TMEM244: variants seen among roughly 807,000 people sequenced by gnomAD.
The protein encoded by TMEM244 is putative transmembrane protein 244.
A neutral mutation model predicts 15.8 loss-of-function variants in TMEM244; 13 were observed. The observed-to-expected ratio is 0.82, with a 90% confidence interval of 0.53 to 1.30. TMEM244 has a LOEUF of 1.30. Ranked by LOEUF, TMEM244 falls within the 50% of genes most tolerant of loss-of-function variation. The probability of loss-of-function intolerance (pLI) is 0.00; values close to 1 mark genes in which losing one functional copy is unlikely to be tolerated. For missense variants in TMEM244, 161 were observed against 144.9 expected (o/e 1.11, Z -0.57); for synonymous variants, 45 against 48.7 (o/e 0.92, Z 0.32).
At chr6:129,843,443 A>C in intron 3 of TMEM244, 87 bp downstream of exon 3, 2 of 854,964 alleles carry the variant, frequency 2.3e-6, no homozygotes, top group Non-Finnish European at 3.7e-6. Context: ...GACAGGCCTG[A>C]TATTTAAAAT....
At chr6:129,861,010 C>T in intron 1 of TMEM244, 146 bp downstream of exon 1, 1 of 769,194 alleles carries the variant, frequency 1.3e-6, no homozygotes, top group Non-Finnish European at 2.1e-6. Context: ...AGATGCAAGC[C>T]GTGCAGCAGA....
At chr6:129,853,406 T>C (rs17058084) in intron 1 of TMEM244, among the ~76,000 whole-genome samples, 2,307 of 152,292 alleles carry the variant, frequency 0.015, 21 homozygotes, top group Non-Finnish European at 0.022. Flanking sequence ...TCTTTCTCCG[T>C]ATAATATTCA....
chr6:129,840,594 T>C (rs764948849), intron 3 of TMEM244, among the ~76,000 whole-genome samples: 1 of 152,050 alleles, frequency 6.6e-6, no homozygotes, highest in Admixed American at 6.5e-5. Flanking sequence ...CTAATTAAAC[T>C]AAAGAGCTTC....
chr6:129,845,649 T>A, intron 2 of TMEM244, 118 bp downstream of exon 2: 1 of 797,264 alleles, frequency 1.3e-6, no homozygotes, highest in Admixed American at 2.7e-5. Flanking sequence ...TAAGAAACTA[T>A]GTCTTTAAAA....
In TMEM244 at chr6:129,833,554, A is replaced by C; in HGVS notation, c.225T>G (p.Phe75Leu). 1 of 1,612,922 alleles carries C rather than the reference A, an allele frequency of 6.2e-7. No individual in the cohort carries two copies. Among genetic ancestry groups the C allele is most frequent in the Non-Finnish European group, 8.5e-7 (1 of 1,179,434 alleles). The change falls in exon 4 of 5, where the codon TTT becomes TTG. Residue 75 changes from phenylalanine to leucine, a missense_variant. Transcript: ENST00000368143. ...CTGGAACAAAAAACAATCCACAAAC[A>C]AAGTAGGTGACCTCTGTTGAAACTA... The part of the protein sequence containing the change: ...VLLVSTEVTY[F>L]VCGLFFVPVV...
chr6:129,855,636 G>A (rs1280250295), intron 1 of TMEM244, among the ~76,000 whole-genome samples: 1 of 152,058 alleles, frequency 6.6e-6, no homozygotes, highest in African/African-American at 2.4e-5. Context: ...TGGTTGTCAT[G>A]GCTCTTTAGT....
At chr6:129,837,254 A>G (rs1273840603) in intron 3 of TMEM244, among the ~76,000 whole-genome samples, 2 of 152,220 alleles carry the variant, frequency 1.3e-5, no homozygotes, top group Non-Finnish European at 2.9e-5. Flanking sequence ...ACCAGAAAAG[A>G]GTGGGGGCCA....
intron 4 of TMEM244, among the ~76,000 whole-genome samples, chr6:129,831,991 G>C (rs1231982154): frequency 6.6e-6 from 1 of 152,070 alleles, no homozygotes; most frequent in Non-Finnish European, 1.5e-5. Context: ...TGTGGAAACT[G>C]ATACTAGGTG....
intron 3 of TMEM244, among the ~76,000 whole-genome samples, chr6:129,835,262 A>G (rs560579002): frequency 1.4e-4 from 22 of 152,180 alleles, no homozygotes; most frequent in African/African-American, 4.6e-4. Flanking sequence ...AGCCTGGCAT[A>G]ATAGTGTGCT....
At chr6:129,858,907 C>T (rs1457673763) in intron 1 of TMEM244, among the ~76,000 whole-genome samples, 2 of 152,056 alleles carry the variant, frequency 1.3e-5, no homozygotes, top group African/African-American at 4.8e-5. Context: ...AATTCTCTTG[C>T]CTCAGCCTCC....
At chr6:129,834,946 T>G (rs531346387) in intron 3 of TMEM244, among the ~76,000 whole-genome samples, 1 of 152,358 alleles carries the variant, frequency 6.6e-6, no homozygotes, top group Admixed American at 6.5e-5. Flanking sequence ...TGCTTGGAGA[T>G]AGTGATTTTA....
chr6:129,835,857 C>T (rs35285309), intron 3 of TMEM244, among the ~76,000 whole-genome samples: 23,660 of 143,834 alleles, frequency 0.16, 3,004 homozygotes, highest in African/African-American at 0.35. Flanking sequence ...TGGAGATGGG[C>T]GTCTGCATTG....
chr6:129,846,119 C>T (rs1036887020), intron 1 of TMEM244, among the ~76,000 whole-genome samples: 2 of 152,136 alleles, frequency 1.3e-5, no homozygotes, highest in Non-Finnish European at 2.9e-5. Flanking sequence ...TTAATTTGAG[C>T]ATTAATAGCC....
chr6:129,836,549 C>A (rs1223773380), intron 3 of TMEM244, among the ~76,000 whole-genome samples: 1 of 152,108 alleles, frequency 6.6e-6, no homozygotes, highest in African/African-American at 2.4e-5. Flanking sequence ...AGTGAGGGAA[C>A]AAAACTGGGT....
intron 1 of TMEM244, among the ~76,000 whole-genome samples, chr6:129,848,069 C>T (rs1776585434): frequency 6.6e-6 from 1 of 152,080 alleles, no homozygotes. Flanking sequence ...CCACTCCGCA[C>T]CTGGCCTTCA....
chr6:129,844,382 A>G (rs1221697548), intron 2 of TMEM244, among the ~76,000 whole-genome samples: 1 of 152,202 alleles, frequency 6.6e-6, no homozygotes, highest in East Asian at 1.9e-4. Flanking sequence ...TTGAAAAACA[A>G]CAAGATACAG....
At chr6:129,833,961 A>G (rs1459501254) in intron 3 of TMEM244, among the ~76,000 whole-genome samples, 2 of 152,136 alleles carry the variant, frequency 1.3e-5, no homozygotes, top group African/African-American at 4.8e-5. Flanking sequence ...AGTTTTAAGA[A>G]ATGAAAAAAA....
intron 3 of TMEM244, among the ~76,000 whole-genome samples, chr6:129,836,702 T>G (rs1226125747): frequency 1.3e-5 from 2 of 152,138 alleles, no homozygotes; most frequent in Non-Finnish European, 2.9e-5. Flanking sequence ...AATGGCTAAC[T>G]AGAATAAACA....
chr6:129,852,324 T>C (rs1182875129), intron 1 of TMEM244, among the ~76,000 whole-genome samples: 1 of 152,144 alleles, frequency 6.6e-6, no homozygotes, highest in Non-Finnish European at 1.5e-5. Flanking sequence ...CCCTAGGGGA[T>C]GTGGTAAGGG....
Sources: allele counts gnomAD v4.1 joint callset (sites outside exome capture counted in the v4.1 genomes callset), GRCh38; gene constraint gnomAD v4.1.1; transcripts MANE v1.5; gene names NCBI Gene and HGNC (gene_info 2026-07-23, HGNC 2026-07-21).